Variants in DLGAP2 observed in about 807,000 individuals in gnomAD.
DLGAP2 encodes the protein disks large-associated protein 2.
DLGAP2 carries 26 observed loss-of-function variants against 100.3 expected under a neutral mutation model. That is an observed-to-expected ratio of 0.26 (90% CI 0.19 to 0.36). DLGAP2 has a LOEUF of 0.36. Among genes scored for constraint, DLGAP2 ranks in the 10% least tolerant of loss-of-function variants. The probability of loss-of-function intolerance (pLI) is 1.00; values close to 1 mark genes in which losing one functional copy is unlikely to be tolerated. For synonymous variants in DLGAP2, 886 were observed against 630.1 expected, an observed-to-expected ratio of 1.41 and a Z score of -6.08; for missense variants, 1,858 against 1,453.2, an observed-to-expected ratio of 1.28 and a Z score of -4.53.
At chr8:859,593 G>A (rs921894126) in intron 1 of DLGAP2, among the ~76,000 whole-genome samples, 5 of 152,196 alleles carry the variant, frequency 3.3e-5, no homozygotes, top group Admixed American at 3.3e-4. Flanking sequence ...CCTGCTGGGG[G>A]AGGCTGGCTA....
At chr8:1,341,707 C>T (rs1293376507) in intron 3 of DLGAP2, among the ~76,000 whole-genome samples, 1 of 152,198 alleles carries the variant, frequency 6.6e-6, no homozygotes, top group Non-Finnish European at 1.5e-5. Context: ...CCTCTGGTGT[C>T]TCCCATCACT....
chr8:1,510,137 C>T (rs1183855698), intron 4 of DLGAP2, among the ~76,000 whole-genome samples: 1 of 152,194 alleles, frequency 6.6e-6, no homozygotes. Flanking sequence ...AGCACGCTCC[C>T]GTGCAAATGG....
chr8:1,392,100 G>C (rs1796372692), intron 3 of DLGAP2, among the ~76,000 whole-genome samples: 1 of 152,230 alleles, frequency 6.6e-6, no homozygotes, highest in Non-Finnish European at 1.5e-5. Flanking sequence ...AGAGCATGAA[G>C]AACTGTTTGA....
intron 5 of DLGAP2, among the ~76,000 whole-genome samples, chr8:1,557,302 C>T (rs1801998769): frequency 6.6e-6 from 1 of 152,014 alleles, no homozygotes; most frequent in Non-Finnish European, 1.5e-5. Flanking sequence ...ACAATAGGGG[C>T]TTTCCATGGA....
intron 3 of DLGAP2, among the ~76,000 whole-genome samples, chr8:1,456,294 C>A (rs1449268511): frequency 6.6e-6 from 1 of 152,238 alleles, no homozygotes; most frequent in East Asian, 1.9e-4. Context: ...TGTTTCTACA[C>A]ACACGCTTCT....
chr8:1,523,371 C>G (rs1220465318), intron 4 of DLGAP2, among the ~76,000 whole-genome samples: 2 of 152,246 alleles, frequency 1.3e-5, no homozygotes, highest in African/African-American at 4.8e-5. Context: ...CCTCACAGCA[C>G]AGACGGGGGA....
intron 3 of DLGAP2, among the ~76,000 whole-genome samples, chr8:1,372,695 C>T (rs965024342): frequency 2.6e-5 from 4 of 152,104 alleles, no homozygotes; most frequent in South Asian, 4.1e-4. Flanking sequence ...ACATGGACGG[C>T]GTGGGCTAGA....
intron 2 of DLGAP2, among the ~76,000 whole-genome samples, chr8:1,169,541 A>G (rs1336164320): frequency 2.6e-5 from 4 of 152,098 alleles, no homozygotes; most frequent in African/African-American, 9.7e-5. Context: ...ATTTGTTTGT[A>G]TCCTCTTTAA....
At chr8:895,756 C>T (rs981251462) in intron 1 of DLGAP2, among the ~76,000 whole-genome samples, 10 of 151,338 alleles carry the variant, frequency 6.6e-5, no homozygotes, top group East Asian at 3.9e-4. Context: ...CTGTCCAGGT[C>T]GGTGTGGGGC....
At chr8:1,034,042 G>A (rs1055198506) in intron 2 of DLGAP2, among the ~76,000 whole-genome samples, 74 of 112,538 alleles carry the variant, frequency 6.6e-4, no homozygotes, top group East Asian at 2.7e-3. Flanking sequence ...CGCTCATCCC[G>A]ACCCCGCGTG....
At chr8:1,537,566 T>C (rs1273537875) in intron 4 of DLGAP2, among the ~76,000 whole-genome samples, 1 of 152,176 alleles carries the variant, frequency 6.6e-6, no homozygotes, top group Non-Finnish European at 1.5e-5. Flanking sequence ...TTTTCTGCTA[T>C]TAGACTTTGA....
rs978737123 is a variant in DLGAP2, at chr8:1,706,275, C to G, written c.*4869C>G. The G allele has an allele frequency of 1.3e-5, 2 of 152,182 alleles. No individual in the cohort carries two copies. Among genetic ancestry groups the G allele is most frequent in the Admixed American group, 6.5e-5 (1 of 15,280 alleles). 9.4% of individuals were successfully genotyped at this position (152,182 alleles called of 1,614,324 possible). A position where few individuals can be genotyped will look rare whatever the true frequency, so the allele number is the denominator to read the frequency against. On this transcript the variant is annotated 3_prime_UTR_variant, in exon 15 of 15. Coordinates refer to ENST00000637795, the MANE Select transcript of DLGAP2 (RefSeq NM_001346810.2). ...AAGTTTATGTCTCAGTTTTTTTCCT[C>G]TAGAAAGGGGATTACAGTTCCTGTC...
At chr8:1,279,812 C>T (rs539407127) in intron 3 of DLGAP2, among the ~76,000 whole-genome samples, 2 of 152,338 alleles carry the variant, frequency 1.3e-5, no homozygotes, top group African/African-American at 4.8e-5. Context: ...CTCATCACCA[C>T]ATCACCCACT....
In DLGAP2 at chr8:1,138,236, C is replaced by T. The variant is rs187609727; in HGVS notation, c.74-120615C>T. Among the ~76,000 whole-genome samples, 47 of 152,314 alleles carry T rather than the reference C, an allele frequency of 3.1e-4. 1 individual carries two copies. Among genetic ancestry groups the T allele is most frequent in the African/African-American group, 1.0e-3 (42 of 41,592 alleles). On this transcript the variant is annotated intron_variant, in intron 2 of 14. Transcript: ENST00000637795. ...GCTTTCCTCAATGCTCCCTGAGTCC[C>T]CTGTTGGTTCTCTAAGCATCGCAGG...
intron 11 of DLGAP2, among the ~76,000 whole-genome samples, chr8:1,677,191 G>C (rs1798831075): frequency 6.6e-6 from 1 of 152,192 alleles, no homozygotes; most frequent in Non-Finnish European, 1.5e-5. Context: ...GCCAATGTGT[G>C]ACAGGGACAG....
chr8:1,637,709 C>A (rs939595994), intron 8 of DLGAP2, among the ~76,000 whole-genome samples: 7 of 152,366 alleles, frequency 4.6e-5, no homozygotes, highest in African/African-American at 1.7e-4. Context: ...TGTGTGCCGG[C>A]CGCTGCGCTA....
chr8:1,158,551 T>TAAAA (rs1796834658), intron 2 of DLGAP2, among the ~76,000 whole-genome samples: 1 of 152,240 alleles, frequency 6.6e-6, no homozygotes, highest in African/African-American at 2.4e-5. Context: ...AGTGTTTTCC[T>TAAAA]ATATATAAAC....
intron 2 of DLGAP2, among the ~76,000 whole-genome samples, chr8:1,064,626 A>G (rs1214070278): frequency 1.3e-5 from 2 of 152,216 alleles, no homozygotes; most frequent in Admixed American, 6.5e-5. Flanking sequence ...TTTTTCTTCA[A>G]CAAGGAGGTC....
At chr8:1,170,461 C>G (rs1463824575) in intron 2 of DLGAP2, among the ~76,000 whole-genome samples, 2 of 152,098 alleles carry the variant, frequency 1.3e-5, no homozygotes, top group Non-Finnish European at 2.9e-5. Flanking sequence ...AGCAATGGTA[C>G]CAGTTCATCC....
Sources: gnomAD v4.1 joint callset for allele counts (sites outside exome capture counted in the v4.1 genomes callset) on GRCh38, gnomAD v4.1.1 for gene constraint, MANE v1.5 for transcripts, NCBI Gene and HGNC (gene_info 2026-07-23, HGNC 2026-07-21) for gene names.